The following CA10 variants were observed in gnomAD, a reference collection of about 807,000 sequenced individuals.
CA10 encodes the protein carbonic anhydrase 10 (inactive), also known as carbonic anhydrase-related protein 10.
A neutral mutation model predicts 44.2 loss-of-function variants in CA10; 14 were observed. The ratio of observed to expected loss-of-function variants is 0.32; its 90% CI spans 0.21 to 0.50. The LOEUF (loss-of-function observed/expected upper bound fraction) is 0.50. CA10 is among the 20% of genes least tolerant of loss of function. The probability of loss-of-function intolerance (pLI) is 0.99; values close to 1 mark genes in which losing one functional copy is unlikely to be tolerated. For synonymous variants in CA10, 159 were observed against 141.6 expected, an observed-to-expected ratio of 1.12 and a Z score of -0.87; for missense variants, 350 against 409.7, an observed-to-expected ratio of 0.85 and a Z score of 1.26.
intron 1 of CA10, among the ~76,000 whole-genome samples, chr17:52,118,012 T>A (rs559415731): frequency 6.6e-6 from 1 of 152,172 alleles, no homozygotes; most frequent in Admixed American, 6.5e-5. Flanking sequence ...AACATTGAAG[T>A]AAAAGCACAA....
chr17:51,864,555 A>G (rs1275835138), intron 3 of CA10, among the ~76,000 whole-genome samples: 1 of 152,206 alleles, frequency 6.6e-6, no homozygotes, highest in African/African-American at 2.4e-5. Flanking sequence ...TGTGAAACAG[A>G]CTTTGAATTT....
intron 2 of CA10, among the ~76,000 whole-genome samples, chr17:51,979,289 C>T (rs2191413): frequency 0.35 from 52,742 of 151,846 alleles, 10,434 homozygotes; most frequent in East Asian, 0.74. Flanking sequence ...GAACTTGTAC[C>T]CAGAACAAAT....
At chr17:51,712,928 A>G (rs1915989613) in intron 4 of CA10, among the ~76,000 whole-genome samples, 1 of 152,200 alleles carries the variant, frequency 6.6e-6, no homozygotes, top group Non-Finnish European at 1.5e-5. Context: ...TGCACAGGAC[A>G]CACAGCTGCA....
At chr17:51,798,635 C>T (rs1270293914) in intron 3 of CA10, among the ~76,000 whole-genome samples, 2 of 152,148 alleles carry the variant, frequency 1.3e-5, no homozygotes, top group Non-Finnish European at 2.9e-5. Flanking sequence ...GCTAATGCAG[C>T]TTGAGAATTT....
chr17:51,906,133 A>AT (rs1207554660), intron 3 of CA10, among the ~76,000 whole-genome samples: 2 of 152,228 alleles, frequency 1.3e-5, no homozygotes, highest in East Asian at 3.9e-4. Flanking sequence ...CTGGATTAAA[A>AT]TATATCCTTA....
chr17:51,737,790 A>T (rs1916961635), intron 4 of CA10, among the ~76,000 whole-genome samples: 1 of 152,114 alleles, frequency 6.6e-6, no homozygotes, highest in Non-Finnish European at 1.5e-5. Context: ...GGCCAAGCCA[A>T]CCATTGCTCT....
rs150451503 is a variant in CA10 at position 51,873,339 on chromosome 17, C to T, written c.279+57651G>A. 5.6e-4 allele frequency among the ~76,000 whole-genome samples: 85 copies of T among 152,296 alleles called. 3 individuals are homozygous for T. Among genetic ancestry groups the T allele is most frequent in the African/African-American group, 1.2e-3 (51 of 41,568 alleles). On this transcript the variant is annotated intron_variant, in intron 3 of 8. Transcript: ENST00000451037. ...GTACCATCTTGTTAAACTTATTTCA[C>T]TTCTCTGAGCCTCGGTATTTTTCCT...
At chr17:52,030,997 T>C (rs73989042) in intron 2 of CA10, among the ~76,000 whole-genome samples, 19,251 of 152,146 alleles carry the variant, frequency 0.13, 1,294 homozygotes, top group South Asian at 0.25. Context: ...CCTTGATAAT[T>C]ACATGAGCCA....
chr17:51,841,761 T>G (rs1978321249), intron 3 of CA10, among the ~76,000 whole-genome samples: 1 of 152,216 alleles, frequency 6.6e-6, no homozygotes, highest in Non-Finnish European at 1.5e-5. Flanking sequence ...CTTAAATTTA[T>G]GATTTATTGT....
Position 51,717,791 on chromosome 17 carries a change from G to A in CA10, c.465+29842C>T, listed in dbSNP as rs57320227. On this transcript the variant is annotated intron_variant, in intron 4 of 8. Transcript: ENST00000451037. Reference sequence around the variant, plus strand: ...TGTATACATATATGCATGTATATATGTATATGTGTATATATATACACGTAT... The same window carrying A: ...TGTATACATATATGCATGTATATATATATATGTGTATATATATACACGTAT... Among the ~76,000 whole-genome samples the A allele has an allele frequency of 1.5e-4, 5 of 33,248 alleles. 1 individual carries two copies. The highest frequency in any genetic ancestry group is 8.9e-4 in the Admixed American group (2 of 2,236). 21.8% of individuals were successfully genotyped at this position (33,248 alleles called of 152,430 possible).
intron 2 of CA10, among the ~76,000 whole-genome samples, chr17:51,936,568 C>T (rs1213308785): frequency 6.6e-6 from 1 of 152,066 alleles, no homozygotes; most frequent in Non-Finnish European, 1.5e-5. Context: ...GGAAGTCAGT[C>T]GACTTGAGCC....
At chr17:51,770,743 T>C (rs889348530) in intron 3 of CA10, among the ~76,000 whole-genome samples, 1 of 151,908 alleles carries the variant, frequency 6.6e-6, no homozygotes, top group Non-Finnish European at 1.5e-5. Flanking sequence ...TTATTCATGG[T>C]GGAGGGCAAA....
chr17:51,677,826 C>T (rs775605680), intron 4 of CA10, among the ~76,000 whole-genome samples: 2 of 151,878 alleles, frequency 1.3e-5, no homozygotes, highest in Non-Finnish European at 2.9e-5. Context: ...CAATTTGGTA[C>T]CTCAAAAAGT....
rs551970600 is a variant in CA10 at position 51,780,566 on chromosome 17, G to T, written c.280-32748C>A. The stretch of plus-strand genomic sequence containing the variant: ...CCCAATATATTCAAGGAATTGAGTG[G>T]CATGATGAGGGGTAAGGATGCAAGG... On this transcript the variant is annotated intron_variant, in intron 3 of 8. Transcript: ENST00000451037. 3.9e-5 allele frequency among the ~76,000 whole-genome samples: 6 copies of T among 152,264 alleles called. No individual in the cohort carries two copies. The East Asian group carries it at 9.6e-4, about 24-fold the overall frequency.
At chr17:51,785,062 A>G (rs1339266966) in intron 3 of CA10, among the ~76,000 whole-genome samples, 1 of 152,224 alleles carries the variant, frequency 6.6e-6, no homozygotes, top group Non-Finnish European at 1.5e-5. Context: ...TTCACTTAAC[A>G]TAATGATCTC....
At chr17:51,740,531 C>T (rs922801040) in intron 4 of CA10, among the ~76,000 whole-genome samples, 17 of 152,138 alleles carry the variant, frequency 1.1e-4, no homozygotes, top group African/African-American at 1.4e-4. Context: ...TGAGAGCAAC[C>T]GCCTTGAGGT....
At chr17:52,096,423 A>C (rs1020199590) in intron 1 of CA10, among the ~76,000 whole-genome samples, 1 of 152,162 alleles carries the variant, frequency 6.6e-6, no homozygotes, top group Non-Finnish European at 1.5e-5. Context: ...CCCCATCTTT[A>C]GAGAAAAAGT....
At position 51,745,171 on chromosome 17, in the gene CA10, T is replaced by C. The variant is rs567201745; in HGVS notation, c.465+2462A>G. On this transcript the variant is annotated intron_variant, in intron 4 of 8. Coordinates refer to ENST00000451037, the MANE Select transcript of CA10 (RefSeq NM_020178.5). ...CAATGTGTGTGCCTTCCCCCCTTTT[T>C]AGCAGTGTGATTTTGTTGATTAAGT... 7.2e-5 allele frequency among the ~76,000 whole-genome samples: 11 copies of C among 152,270 alleles called. No individual in the cohort carries two copies. In the South Asian group the frequency reaches 2.1e-3, roughly 29 times the overall value.
intron 1 of CA10, among the ~76,000 whole-genome samples, 160 bp downstream of exon 1, chr17:52,157,566 G>A (rs1423670090): frequency 7.6e-6 from 1 of 131,486 alleles, no homozygotes; most frequent in Admixed American, 9.1e-5. Flanking sequence ...ACACACCCTT[G>A]GGCTGAGAAG....
Sources: gnomAD v4.1 joint callset for allele counts (sites outside exome capture counted in the v4.1 genomes callset) on GRCh38, gnomAD v4.1.1 for gene constraint, MANE v1.5 for transcripts, NCBI Gene and HGNC (gene_info 2026-07-23, HGNC 2026-07-21) for gene names.